LYPD6: variants seen among roughly 807,000 people sequenced by gnomAD.
LYPD6 encodes the protein ly6/PLAUR domain-containing protein 6.
In LYPD6, 15 loss-of-function variants were observed where a neutral mutation model predicts 22.7. The ratio of observed to expected loss-of-function variants is 0.66; its 90% CI spans 0.44 to 1.02. The LOEUF (loss-of-function observed/expected upper bound fraction) is 1.02. Among genes scored for constraint, LYPD6 ranks in the 50% least tolerant of loss-of-function variants. The probability of loss-of-function intolerance (pLI) is 0.00; values close to 1 mark genes in which losing one functional copy is unlikely to be tolerated. For missense variants in LYPD6, 189 were observed against 208.4 expected (o/e 0.91, Z 0.57); for synonymous variants, 72 against 77.5 (o/e 0.93, Z 0.37).
chr2:149,452,009 C>G (rs1356422437), intron 3 of LYPD6, among the ~76,000 whole-genome samples: 1 of 152,156 alleles, frequency 6.6e-6, no homozygotes, highest in Non-Finnish European at 1.5e-5. Flanking sequence ...ACTGAGGTAG[C>G]CAGCAAAAGC....
downstream of LYPD6, among the ~76,000 whole-genome samples, chr2:149,474,806 T>C (rs1026887694): frequency 6.6e-6 from 1 of 152,138 alleles, no homozygotes; most frequent in Non-Finnish European, 1.5e-5. Context: ...CTCACTCTTG[T>C]CGCCAGGCTG....
rs1051401892 is a variant in LYPD6 at position 149,471,623 on chromosome 2, C to G, written c.*773C>G. ...GGCACCTAATTATGCTTCATGAGAT[C>G]CTAGATTCCACCTGAGTCAATTGTG... On this transcript the variant is annotated 3_prime_UTR_variant, in exon 5 of 5. Transcript: ENST00000334166. 6.6e-6 allele frequency: 1 copy of G among 152,236 alleles called. No homozygotes were observed. The highest frequency in any genetic ancestry group is 1.5e-5 in the Non-Finnish European group (1 of 68,040). The allele number at this position is 152,236 out of a possible 1,614,324, so 9.4% of individuals were successfully genotyped here. A position where few individuals can be genotyped will look rare whatever the true frequency, so the allele number is the denominator to read the frequency against.
rs570643705 is a variant in LYPD6, at chr2:149,371,437, A to G, written c.-72+40715A>G. 4.6e-5 allele frequency among the ~76,000 whole-genome samples: 7 copies of G among 152,344 alleles called. No homozygotes were observed. In the South Asian group the frequency reaches 8.3e-4, roughly 18 times the overall value. On this transcript the variant is annotated intron_variant, in intron 1 of 4. Transcript: ENST00000334166. ...AGAAAGTGGACGTATATATCATTAAATATTCTAAAGCAGTATTTTTTCCTC... is the reference window on the plus strand; with the variant it reads ...AGAAAGTGGACGTATATATCATTAAGTATTCTAAAGCAGTATTTTTTCCTC...
chr2:149,483,636 T>G, the LYPD6 span, among the ~76,000 whole-genome samples: 2 of 152,324 alleles, frequency 1.3e-5, no homozygotes, highest in South Asian at 2.1e-4. Flanking sequence ...AGATTTTAAA[T>G]GTTCTCACTG....
At chr2:149,474,533 T>C (rs1681418689), downstream of LYPD6, among the ~76,000 whole-genome samples, 1 of 152,172 alleles carries the variant, frequency 6.6e-6, no homozygotes, top group South Asian at 2.1e-4. Flanking sequence ...ACCTATGTTT[T>C]GAAATTTCCA....
chr2:149,459,689 G>C (rs1369118307), intron 3 of LYPD6, among the ~76,000 whole-genome samples: 1 of 152,100 alleles, frequency 6.6e-6, no homozygotes, highest in Non-Finnish European at 1.5e-5. Flanking sequence ...ATCACCTGAG[G>C]TCAGGAGTTC....
intron 1 of LYPD6, among the ~76,000 whole-genome samples, chr2:149,414,762 G>T (rs1340695141): frequency 1.3e-5 from 2 of 152,148 alleles, no homozygotes; most frequent in Non-Finnish European, 2.9e-5. Context: ...GAACTGAAAG[G>T]ACAAAATCCA....
intron 3 of LYPD6, among the ~76,000 whole-genome samples, chr2:149,449,859 C>T (rs531548863): frequency 4.6e-5 from 7 of 152,152 alleles, no homozygotes; most frequent in African/African-American, 1.4e-4. Context: ...GACAAATGTT[C>T]GAGTGAATAG....
intron 1 of LYPD6, among the ~76,000 whole-genome samples, chr2:149,398,769 A>T (rs944614915): frequency 3.3e-5 from 5 of 152,196 alleles, no homozygotes; most frequent in African/African-American, 9.6e-5. Context: ...CCACCAGAAA[A>T]TAATAAGCAG....
chr2:149,468,146 C>CACACACACAA (rs779069117), intron 3 of LYPD6, among the ~76,000 whole-genome samples: 1,537 of 136,062 alleles, frequency 0.011, 13 homozygotes, highest in Middle Eastern at 0.018. Context: ...CACACACACA[C>CACACACACAA]ACACACACAC....
upstream of LYPD6, chr2:149,330,455 C>T (rs973930615): frequency 6.7e-6 from 1 of 149,650 alleles, no homozygotes; most frequent in African/African-American, 2.4e-5. Context: ...TCCGCTCCCC[C>T]CGCGCGCGCT....
At chr2:149,414,939 C>T (rs1165111118) in intron 1 of LYPD6, among the ~76,000 whole-genome samples, 1 of 152,138 alleles carries the variant, frequency 6.6e-6, no homozygotes, top group Non-Finnish European at 1.5e-5. Context: ...ACGTTTTGTT[C>T]ATTTTGAACC....
chr2:149,345,667 G>A (rs758871869), intron 1 of LYPD6, among the ~76,000 whole-genome samples: 2 of 151,900 alleles, frequency 1.3e-5, no homozygotes, highest in Non-Finnish European at 2.9e-5. Flanking sequence ...TTGAATTCAA[G>A]CTTACCTCTG....
chr2:149,485,252 T>C, the LYPD6 span, among the ~76,000 whole-genome samples: 28 of 152,166 alleles, frequency 1.8e-4, no homozygotes, highest in African/African-American at 6.0e-4. Flanking sequence ...AAATGGTACA[T>C]TGGTAGACTA....
chr2:149,337,204 C>T (rs1053720455), intron 1 of LYPD6, among the ~76,000 whole-genome samples: 1 of 152,076 alleles, frequency 6.6e-6, no homozygotes, highest in Non-Finnish European at 1.5e-5. Context: ...ACAGAAGACT[C>T]TCCCAGTAAA....
At chr2:149,339,653 T>C (rs1681122959) in intron 1 of LYPD6, among the ~76,000 whole-genome samples, 1 of 152,142 alleles carries the variant, frequency 6.6e-6, no homozygotes, top group African/African-American at 2.4e-5. Flanking sequence ...AATTAAAAAC[T>C]AGAACTAGAA....
chr2:149,438,164 A>G (rs577707592), intron 2 of LYPD6, among the ~76,000 whole-genome samples: 1 of 152,330 alleles, frequency 6.6e-6, no homozygotes, highest in African/African-American at 2.4e-5. Flanking sequence ...TAAAAGATCA[A>G]TCCTTTATAC....
At chr2:149,437,364 G>A (rs1683456526) in intron 1 of LYPD6, among the ~76,000 whole-genome samples, 1 of 152,114 alleles carries the variant, frequency 6.6e-6, no homozygotes, top group African/African-American at 2.4e-5. Context: ...AAAATAGCTG[G>A]ATTTTGTTAA....
intron 3 of LYPD6, among the ~76,000 whole-genome samples, chr2:149,466,959 G>C (rs1347695198): frequency 6.6e-6 from 1 of 152,088 alleles, no homozygotes; most frequent in African/African-American, 2.4e-5. Flanking sequence ...AACGTCCATC[G>C]AGTCTGATAC....
Sources: allele counts gnomAD v4.1 joint callset (sites outside exome capture counted in the v4.1 genomes callset), GRCh38; gene constraint gnomAD v4.1.1; transcripts MANE v1.5; gene names NCBI Gene and HGNC (gene_info 2026-07-23, HGNC 2026-07-21).